ZNF469: variants seen among roughly 807,000 people sequenced by gnomAD.
ZNF469 encodes the protein zinc finger protein 469.
In ZNF469, 1 loss-of-function variant was observed where a neutral mutation model predicts 1.0. The ratio of observed to expected loss-of-function variants is 1.00; its 90% CI spans 0.35 to 4.73. ZNF469 has a LOEUF of 4.73. Ranked by LOEUF, ZNF469 falls within the 30% of genes most tolerant of loss-of-function variation. ZNF469 has a pLI of 0.16. For synonymous variants in ZNF469, 2,703 were observed against 2,363.4 expected (o/e 1.14, Z -4.17); for missense variants, 6,100 against 5,356.3 (o/e 1.14, Z -4.33).
At position 88,437,583 on chromosome 16, in the gene ZNF469, C is replaced by T; in HGVS notation, c.10113C>T (p.Pro3371=). The change falls in exon 3 of 3, where the codon CCC becomes CCT. Residue 3371 remains proline, a synonymous_variant. Coordinates refer to ENST00000565624, the MANE Select transcript of ZNF469 (RefSeq NM_001367624.2). ...PQRVYLCPRC[P]RVYPEHGELL... Reference sequence around the variant, plus strand: ...GCGTCTACCTGTGCCCCCGGTGCCCCCGGGTCTACCCCGAGCACGGGGAGC... The same window carrying T: ...GCGTCTACCTGTGCCCCCGGTGCCCTCGGGTCTACCCCGAGCACGGGGAGC... The T allele has an allele frequency of 6.5e-7, 1 of 1,534,448 alleles. No homozygotes were observed. The highest frequency in any genetic ancestry group is 8.8e-7 in the Non-Finnish European group (1 of 1,135,214).
the ZNF469 span, among the ~76,000 whole-genome samples, chr16:88,121,469 G>T: frequency 6.6e-6 from 1 of 152,342 alleles, no homozygotes; most frequent in African/African-American, 2.4e-5. Context: ...CTTCCAGAAT[G>T]AAACGTTCGC....
chr16:88,306,771 C>T, the ZNF469 span, among the ~76,000 whole-genome samples: 1 of 152,214 alleles, frequency 6.6e-6, no homozygotes, highest in Non-Finnish European at 1.5e-5. Flanking sequence ...TTTATTCCGT[C>T]TCCTTCCCTG....
chr16:88,264,902 C>T, the ZNF469 span, among the ~76,000 whole-genome samples: 2 of 152,130 alleles, frequency 1.3e-5, no homozygotes, highest in African/African-American at 2.4e-5. Context: ...TGAGGGTGAC[C>T]GTGGCCTCTC....
chr16:88,252,984 T>G, the ZNF469 span, among the ~76,000 whole-genome samples: 3 of 152,236 alleles, frequency 2.0e-5, no homozygotes, highest in African/African-American at 7.2e-5. Flanking sequence ...ATCTGCCGGT[T>G]TTTTGCTTCA....
chr16:88,141,114 T>G, the ZNF469 span, among the ~76,000 whole-genome samples: 13 of 152,142 alleles, frequency 8.5e-5, no homozygotes, highest in Non-Finnish European at 1.8e-4. Flanking sequence ...ACGGACACAA[T>G]AAATTCTGTG....
the ZNF469 span, among the ~76,000 whole-genome samples, chr16:88,136,714 G>A: frequency 6.6e-6 from 1 of 152,204 alleles, no homozygotes; most frequent in African/African-American, 2.4e-5. Flanking sequence ...TGCCTGTTAC[G>A]AGTCTGTCCC....
At chr16:88,143,408 G>GGGTGGGGCGCCGAGCAT in the ZNF469 span, among the ~76,000 whole-genome samples, 2 of 152,206 alleles carry the variant, frequency 1.3e-5, no homozygotes, top group Non-Finnish European at 2.9e-5. Flanking sequence ...GCGCCGAGCA[G>GGGTGGGGCGCCGAGCAT]GGTGGGGCAC....
the ZNF469 span, among the ~76,000 whole-genome samples, chr16:88,117,416 C>T: frequency 6.6e-6 from 1 of 152,254 alleles, no homozygotes; most frequent in Non-Finnish European, 1.5e-5. Context: ...GAAAAAATCA[C>T]TGCAAATTCC....
In ZNF469 at chr16:88,430,542, C is replaced by G. The variant is rs1219175594; in HGVS notation, c.3072C>G (p.Ser1024Arg). 2.7e-6 allele frequency: 4 copies of G among 1,467,974 alleles called. No homozygotes were observed. In the South Asian group the frequency reaches 4.0e-5, roughly 15 times the overall value. 90.9% of individuals were successfully genotyped at this position (1,467,974 alleles called of 1,614,324 possible). A position where few individuals can be genotyped will look rare whatever the true frequency, so the allele number is the denominator to read the frequency against. ...RAAALPEETR[S>R]SRRRRLPPRK... ...CCGCCCTCCCCGAGGAGACCCGCAG[C>G]TCCCGGCGCCGCCGGCTGCCCCCCA... Residue 1024 changes from serine to arginine, a missense_variant, in exon 3 of 3, where the codon AGC (serine) becomes AGG (arginine). Coordinates refer to ENST00000565624, the MANE Select transcript of ZNF469 (RefSeq NM_001367624.2).
chr16:88,428,877 C>T lies in ZNF469; in HGVS notation c.1407C>T (p.Ser469=), dbSNP rs1905902763. The T allele has an allele frequency of 1.3e-6, 2 of 1,548,290 alleles. No individual in the cohort carries two copies. The highest frequency in any genetic ancestry group is 2.4e-5 in the South Asian group (2 of 84,032). The change falls in exon 3 of 3, where the codon AGC becomes AGT. Residue 469 remains serine, a synonymous_variant. Coordinates refer to ENST00000565624, the MANE Select transcript of ZNF469 (RefSeq NM_001367624.2). ...GTATGTTCTTTAACGGCCAGCCCAG[C>T]CCAGGCCAGCGGCTCTGCCTCCCCC... ...TRSMFFNGQP[S]PGQRLCLPQS... is the part of the protein sequence containing the mutation.
At chr16:88,298,262 G>A in the ZNF469 span, among the ~76,000 whole-genome samples, 49 of 152,166 alleles carry the variant, frequency 3.2e-4, no homozygotes, top group Non-Finnish European at 6.5e-4. Context: ...CATAGGCAGC[G>A]GCACCCCTGG....
At chr16:88,218,563 A>G in the ZNF469 span, among the ~76,000 whole-genome samples, 1 of 152,172 alleles carries the variant, frequency 6.6e-6, no homozygotes, top group Non-Finnish European at 1.5e-5. Context: ...GACAAAATTC[A>G]ACAACGCTTC....
the ZNF469 span, among the ~76,000 whole-genome samples, chr16:88,103,534 T>C: frequency 1.4e-4 from 21 of 152,302 alleles, no homozygotes; most frequent in African/African-American, 5.1e-4. Context: ...CCTGCCCTCC[T>C]TGTCCCCCCC....
chr16:88,420,221 G>A (rs1905417446), intron 1 of ZNF469, among the ~76,000 whole-genome samples: 2 of 152,258 alleles, frequency 1.3e-5, no homozygotes, highest in Non-Finnish European at 2.9e-5. Flanking sequence ...AGGAGAAAGG[G>A]AGAGCCAGTC....
At chr16:88,282,262 G>A in the ZNF469 span, among the ~76,000 whole-genome samples, 43 of 152,306 alleles carry the variant, frequency 2.8e-4, no homozygotes, top group African/African-American at 9.4e-4. Context: ...TGCACCTTGT[G>A]GATGGTGGTC....
At chr16:88,194,461 G>A in the ZNF469 span, 3 of 152,282 alleles carry the variant, frequency 2.0e-5, no homozygotes, top group Non-Finnish European at 4.4e-5. Context: ...AAGTGGTGTC[G>A]TCTGCCTGCA....
At chr16:88,117,560 T>TCACGTGCCTTCACGGACCGTGGAGGTGC in the ZNF469 span, among the ~76,000 whole-genome samples, 5 of 29,416 alleles carry the variant, frequency 1.7e-4, no homozygotes, top group East Asian at 3.6e-3. Flanking sequence ...TGTGGAAGTG[T>TCACGTGCCTTCACGGACCGTGGAGGTGC]CACGTGCCTT....
At chr16:88,310,458 G>A in the ZNF469 span, among the ~76,000 whole-genome samples, 1 of 152,070 alleles carries the variant, frequency 6.6e-6, no homozygotes, top group Non-Finnish European at 1.5e-5. Flanking sequence ...CCTTCTTCCC[G>A]GTGGAACCAT....
chr16:88,202,817 G>A, the ZNF469 span, among the ~76,000 whole-genome samples: 118 of 152,322 alleles, frequency 7.7e-4, no homozygotes, highest in African/African-American at 2.7e-3. Flanking sequence ...GGCAGGGGCC[G>A]GGGGTCAAGA....
Sources: gnomAD v4.1 joint callset for allele counts (sites outside exome capture counted in the v4.1 genomes callset) on GRCh38, gnomAD v4.1.1 for gene constraint, MANE v1.5 for transcripts, NCBI Gene and HGNC (gene_info 2026-07-23, HGNC 2026-07-21) for gene names.